The following SPOP variants were observed in gnomAD, a reference collection of about 807,000 sequenced individuals.
The protein encoded by SPOP is speckle type BTB/POZ protein.
Under a neutral mutation model 45.6 loss-of-function variants are expected in SPOP, and 11 were observed. That is an observed-to-expected ratio of 0.24 (90% confidence interval 0.15 to 0.40). The LOEUF is 0.40. Ranked by LOEUF, SPOP falls within the 10% of genes least tolerant of loss-of-function variation. The pLI is 1.00. For missense variants in SPOP, 152 were observed against 465.6 expected (o/e 0.33, Z 6.20); for synonymous variants, 166 against 166.3 (o/e 1.00, Z 0.01).
chr17:49,654,573 T>A (rs1247867851), intron 1 of SPOP, among the ~76,000 whole-genome samples: 1 of 152,102 alleles, frequency 6.6e-6, no homozygotes, highest in East Asian at 1.9e-4. Context: ...TTGCCTGAGC[T>A]CAGGAGCTCC....
chr17:49,611,402 A>G lies in SPOP; in HGVS notation c.536T>C (p.Val179Ala). Residue 179 changes from valine to alanine, a missense_variant, in exon 6 of 10, where the codon GTA becomes GCA. Physicochemically the swap from Val to Ala is moderately conservative, Grantham distance 64. Around this residue, in one of 3 missense-constraint regions of SPOP, gnomAD observed 106 missense variants for 255.2 expected, o/e 0.42. Transcript: ENST00000504102. The stretch of plus-strand genomic sequence containing the variant: ...TGCCAGCCGGCACTCAGGAACCTTT[A>G]CCATGTTCATGGTATTCTGGCCAGA... Reference protein sequence around the residue: ...NISGQNTMNMVKVPECRLADE... With the variant: ...NISGQNTMNMAKVPECRLADE... 1 of 1,614,148 alleles carries G rather than the reference A, an allele frequency of 6.2e-7. No homozygotes were observed.
chr17:49,662,013 CAAAAA>C (rs11307294), intron 1 of SPOP, among the ~76,000 whole-genome samples: 3 of 90,060 alleles, frequency 3.3e-5, no homozygotes, highest in Admixed American at 1.2e-4. Context: ...AACTCCGTCT[CAAAAA>C]AAAAAAAAAA....
At chr17:49,671,189 C>T (rs1053684083) in intron 1 of SPOP, among the ~76,000 whole-genome samples, 1 of 152,030 alleles carries the variant, frequency 6.6e-6, no homozygotes. Flanking sequence ...GCCAGTGACA[C>T]AGAAGCGAGT....
At chr17:49,665,141 T>C (rs892122274) in intron 1 of SPOP, among the ~76,000 whole-genome samples, 14 of 152,196 alleles carry the variant, frequency 9.2e-5, no homozygotes, top group Admixed American at 9.2e-4. Flanking sequence ...TCCCTTCCAT[T>C]TGAAGATATC....
intron 7 of SPOP, 62 bp from the exon 8 acceptor site, chr17:49,607,434 ATT>A (rs748428257): frequency 6.4e-7 from 1 of 1,561,098 alleles, no homozygotes; most frequent in East Asian, 2.3e-5. Context: ...AAACTAAACT[ATT>A]TTCATGATTT....
chr17:49,603,724 T>C (rs934549010), intron 8 of SPOP, among the ~76,000 whole-genome samples: 3 of 152,242 alleles, frequency 2.0e-5, no homozygotes, highest in Non-Finnish European at 2.9e-5. Flanking sequence ...CGTTTTCAAA[T>C]AGGCTTGAAG....
rs536466797 is a variant in SPOP, at chr17:49,617,973, G to A, written c.480+1008C>T. The stretch of plus-strand genomic sequence containing the variant: ...GAAAGCAATACATAAGCCTGCTACC[G>A]ACCGCTAGGCCTTTTCTGCAAAAGG... On this transcript the variant is annotated intron_variant, in intron 5 of 9. Coordinates refer to ENST00000504102, the MANE Select transcript of SPOP (RefSeq NM_001007228.2). Among the ~76,000 whole-genome samples the A allele has an allele frequency of 2.7e-5, 4 of 148,338 alleles. No individual in the cohort carries two copies. The South Asian group carries it at 8.6e-4, about 32-fold the overall frequency.
intron 1 of SPOP, among the ~76,000 whole-genome samples, chr17:49,653,247 T>C (rs2072865241): frequency 6.6e-6 from 1 of 152,144 alleles, no homozygotes; most frequent in Non-Finnish European, 1.5e-5. Context: ...AAAAGCAATA[T>C]ATATACATAA....
At chr17:49,665,694 A>ACACACACACACACG (rs1225412700) in intron 1 of SPOP, among the ~76,000 whole-genome samples, 1 of 142,084 alleles carries the variant, frequency 7.0e-6, no homozygotes, top group East Asian at 2.0e-4. Flanking sequence ...ACACACACAC[A>ACACACACACACACG]CCAATCTGGC....
chr17:49,665,385 C>T (rs1388997265), intron 1 of SPOP, among the ~76,000 whole-genome samples: 2 of 152,036 alleles, frequency 1.3e-5, no homozygotes, highest in African/African-American at 2.4e-5. Flanking sequence ...GAGGCCAAGG[C>T]GGGCGGATCA....
At position 49,644,180 on chromosome 17, in the gene SPOP, A is replaced by T. The variant is rs2072711652; in HGVS notation, c.-66-21304T>A. Among the ~76,000 whole-genome samples, 4 of 152,334 alleles carry T rather than the reference A, an allele frequency of 2.6e-5. No homozygotes were observed. The South Asian group carries it at 8.3e-4, about 32-fold the overall frequency. Reference sequence around the variant, plus strand: ...CAGGAGTTCAAGACCAGCCTAGGCAACATAGTGAGACCCTGTCTCTAAAAA... The same window carrying T: ...CAGGAGTTCAAGACCAGCCTAGGCATCATAGTGAGACCCTGTCTCTAAAAA... On this transcript the variant is annotated intron_variant, in intron 1 of 9. Coordinates refer to ENST00000504102, the MANE Select transcript of SPOP (RefSeq NM_001007228.2).
At position 49,624,331 on chromosome 17, in the gene SPOP, GCACACACA is replaced by G. The variant is rs58009760; in HGVS notation, c.-66-1463_-66-1456del. On this transcript the variant is annotated intron_variant, in intron 1 of 9. Transcript: ENST00000504102. ...GGAACACACACACACGCGCGCGCGC[GCACACACA>G]CACACACACACACACACACACACAC... Among the ~76,000 whole-genome samples the G allele has an allele frequency of 6.0e-3, 893 of 149,306 alleles. 2 individuals carry two copies. Among genetic ancestry groups the G allele is most frequent in the South Asian group, 0.011 (53 of 4,718 alleles).
intron 1 of SPOP, among the ~76,000 whole-genome samples, chr17:49,642,809 A>G (rs1306659787): frequency 6.6e-6 from 1 of 152,246 alleles, no homozygotes; most frequent in African/African-American, 2.4e-5. Context: ...CTTGGTGACT[A>G]TGATGGCATA....
Position 49,619,394 on chromosome 17 carries a change from A to G in SPOP, c.201-9T>C, listed in dbSNP as rs2143274583. 1 of 1,593,170 alleles carries G rather than the reference A, an allele frequency of 6.3e-7. No homozygotes were observed. Among genetic ancestry groups the G allele is most frequent in the Non-Finnish European group, 8.5e-7 (1 of 1,172,266 alleles). On this transcript the variant is annotated splice_polypyrimidine_tract_variant and intron_variant, in intron 3 of 9. Coordinates refer to ENST00000504102, the MANE Select transcript of SPOP (RefSeq NM_001007228.2). The surrounding 1 kb of genome is among the most constrained non-coding windows in gnomAD (Gnocchi z 4.9). The stretch of plus-strand genomic sequence containing the variant: ...GGTTTACTCGCAAACACCTGTCCAA[A>G]ACAGATAGAAAAAAAAAATGTCAAA...
intron 2 of SPOP, 89 bp from the exon 3 acceptor site, chr17:49,622,156 C>T (rs1597927306): frequency 1.3e-6 from 2 of 1,491,086 alleles, no homozygotes; most frequent in East Asian, 2.4e-5. Flanking sequence ...TCCCCTCCCT[C>T]CCTCTGCATG....
chr17:49,622,283 A>C (rs1399274186), intron 2 of SPOP: 1 of 641,212 alleles, frequency 1.6e-6, no homozygotes, highest in Admixed American at 2.1e-5. Context: ...TGCTGAGAAC[A>C]CTGGATGGAA....
At chr17:49,639,706 T>G (rs1463208317) in intron 1 of SPOP, among the ~76,000 whole-genome samples, 3 of 152,206 alleles carry the variant, frequency 2.0e-5, no homozygotes, top group Admixed American at 6.5e-5. Flanking sequence ...TTATATTGGT[T>G]TAGAATGAAT....
intron 1 of SPOP, among the ~76,000 whole-genome samples, chr17:49,651,050 T>C (rs915736777): frequency 6.6e-6 from 1 of 152,182 alleles, no homozygotes; most frequent in Admixed American, 6.5e-5. Flanking sequence ...GCTATCATAC[T>C]ATCTCCCCAC....
chr17:49,669,947 T>C (rs1426340773), intron 1 of SPOP, among the ~76,000 whole-genome samples: 1 of 152,138 alleles, frequency 6.6e-6, no homozygotes, highest in Admixed American at 6.6e-5. Context: ...AATAAATAGA[T>C]ATATAGATGG....
Sources: gnomAD v4.1 joint callset for allele counts (sites outside exome capture counted in the v4.1 genomes callset) on GRCh38, gnomAD v4.1.1 for gene constraint, gnomAD v4.1.1 regional missense constraint, Gnocchi (gnomAD v3.1) non-coding constraint, MANE v1.5 for transcripts, NCBI Gene and HGNC (gene_info 2026-07-23, HGNC 2026-07-21) for gene names.